ADA2: variants seen among roughly 807,000 people sequenced by gnomAD.
ADA2 encodes the protein adenosine deaminase CECR1.
A neutral mutation model predicts 44.2 loss-of-function variants in ADA2; 29 were observed. The ratio of observed to expected loss-of-function variants is 0.66; its 90% CI spans 0.49 to 0.89. The LOEUF is 0.89. ADA2 is among the 40% of genes least tolerant of loss of function. The pLI, the probability that ADA2 is intolerant of heterozygous loss-of-function variation, is 0.00. For synonymous variants in ADA2, 215 were observed against 234.9 expected (o/e 0.92, Z 0.77); for missense variants, 637 against 644.8 (o/e 0.99, Z 0.13).
At chr22:17,191,601 C>A in intron 5 of ADA2, 82 bp downstream of exon 5, 3 of 1,253,394 alleles carry the variant, frequency 2.4e-6, no homozygotes, top group Non-Finnish European at 2.3e-6. Context: ...AGCCCCGCTT[C>A]TCACCCCTCC....
At chr22:17,220,395 C>T (rs1243389848), upstream of ADA2, among the ~76,000 whole-genome samples, 2 of 151,966 alleles carry the variant, frequency 1.3e-5, no homozygotes, top group African/African-American at 2.4e-5. Context: ...AGTGGGGCCT[C>T]GACCAAGTTG....
chr22:17,191,692 G>A lies in ADA2; in HGVS notation c.872C>T (p.Ser291Leu), dbSNP rs1390146619. The change falls in exon 5 of 10, where the codon TCG becomes TTG. Residue 291 changes from serine to leucine, a missense_variant. Transcript: ENST00000399837. ...CAATATTCTCTCTCACCTGTGATCC[G>A]AATAAATGATTTTGATTCCAATAAA... Reference protein sequence around the residue: ...PEFIGIKIIYSDHRSKDVAVI... With the variant: ...PEFIGIKIIYLDHRSKDVAVI... 11 of 1,613,314 alleles carry A rather than the reference G, an allele frequency of 6.8e-6. No homozygotes were observed. The highest frequency in any genetic ancestry group is 2.2e-5 in the South Asian group (2 of 91,036).
rs184252216 is a variant in ADA2 at position 17,199,256 on chromosome 22, G to A, written c.753+4307C>T. Among the ~76,000 whole-genome samples, 639 of 152,250 alleles carry A rather than the reference G, an allele frequency of 4.2e-3. 3 individuals carry two copies. Among genetic ancestry groups the A allele is most frequent in the African/African-American group, 0.015 (612 of 41,546 alleles). On this transcript the variant is annotated intron_variant, in intron 4 of 9. Coordinates refer to ENST00000399837, the MANE Select transcript of ADA2 (RefSeq NM_001282225.2). ...AGGCCCCCAAGTCTCTCCACCTCCG[G>A]CTCTGGAAGGAGAAAATGGCCACCT...
chr22:17,191,611 C>G lies in ADA2; in HGVS notation c.881+72G>C, dbSNP rs533585792. 1,548 of 1,541,936 alleles carry G rather than the reference C, an allele frequency of 1.0e-3. 8 individuals carry two copies. The highest frequency in any genetic ancestry group is 1.3e-3 in the Non-Finnish European group (1,478 of 1,127,722). On this transcript the variant is annotated intron_variant, in intron 5 of 9. Coordinates refer to ENST00000399837, the MANE Select transcript of ADA2 (RefSeq NM_001282225.2). ...CTCCCAGCCCCGCTTCTCACCCCTC[C>G]CCTCCCAGCCTAGTAGCTCTGCCTG...
chr22:17,216,775 C>T (rs546783737), intron 1 of ADA2, among the ~76,000 whole-genome samples: 14 of 120,596 alleles, frequency 1.2e-4, no homozygotes, highest in Admixed American at 3.5e-4. Flanking sequence ...AAAAAAAACA[C>T]ACACACACAC....
chr22:17,214,121 C>T lies in ADA2; in HGVS notation c.-46-4398G>A, dbSNP rs147684331. ...TTCAACAGACACCTGGACACACTCA[C>T]GGAGCATTACATTCCCAGAGTCAGC... is the stretch of plus-strand genomic sequence containing the variant. On this transcript the variant is annotated intron_variant, in intron 1 of 9. Coordinates refer to ENST00000399837, the MANE Select transcript of ADA2 (RefSeq NM_001282225.2). 5.0e-4 allele frequency: 358 copies of T among 718,110 alleles called. 4 individuals carry two copies. The East Asian group carries it at 9.0e-3, about 18-fold the overall frequency. The allele number at this position is 718,110 out of a possible 1,614,324, so 44.5% of individuals were successfully genotyped here.
At chr22:17,209,901 T>TG in intron 1 of ADA2, 178 bp from the exon 2 acceptor site, 1 of 535,418 alleles carries the variant, frequency 1.9e-6, no homozygotes, top group South Asian at 2.7e-5. Flanking sequence ...TTTTTTTTTT[T>TG]TTTTTTTGAG....
rs529415774 is a variant in ADA2 at position 17,196,244 on chromosome 22, C to A, written c.754-4434G>T. 2.0e-4 allele frequency among the ~76,000 whole-genome samples: 30 copies of A among 151,008 alleles called. 1 individual carries two copies. The South Asian group carries it at 5.9e-3, about 30-fold the overall frequency. Reference sequence around the variant, plus strand: ...GCTGATGCAGGAGAATCACTTGAACCCAGGAAGCGGAGGTTGCAGTGAGCC... The same window carrying A: ...GCTGATGCAGGAGAATCACTTGAACACAGGAAGCGGAGGTTGCAGTGAGCC... On this transcript the variant is annotated intron_variant, in intron 4 of 9. Transcript: ENST00000399837.
chr22:17,191,782 T>TTATG lies in ADA2; in HGVS notation c.781_782insCATA (p.Asp261AlafsTer2). 1.9e-6 allele frequency: 3 copies of TTATG among 1,613,766 alleles called. No individual in the cohort carries two copies. The highest frequency in any genetic ancestry group is 2.2e-5 in the South Asian group (2 of 91,058). On this transcript the variant is annotated stop_gained and frameshift_variant, in exon 5 of 10. Coordinates refer to ENST00000399837, the MANE Select transcript of ADA2 (RefSeq NM_001282225.2). LOFTEE classifies it high-confidence loss of function. ...GTAAGTCTTCACTGACCACTCTTCGTCATGGTGCTCTCCACTGAGCTCATA... is the reference window on the plus strand; with the variant it reads ...GTAAGTCTTCACTGACCACTCTTCGTTATGCATGGTGCTCTCCACTGAGCTCATA...
rs966858899 is a variant in ADA2, at chr22:17,180,793, C to A, written c.*690G>T. The A allele has an allele frequency of 6.6e-6, 1 of 151,944 alleles. No homozygotes were observed. Among genetic ancestry groups the A allele is most frequent in the Non-Finnish European group, 1.5e-5 (1 of 68,016 alleles). 9.4% of individuals were successfully genotyped at this position (151,944 alleles called of 1,614,324 possible). On this transcript the variant is annotated 3_prime_UTR_variant, in exon 10 of 10. Coordinates refer to ENST00000399837, the MANE Select transcript of ADA2 (RefSeq NM_001282225.2). ...AAAGCAAAGGAATGGATGAGACCAC[C>A]CAGGAAAAGTGTACAGAGAGAGAAG...
chr22:17,207,209 T>A lies in ADA2; in HGVS notation c.404A>T (p.His135Leu). The change falls in exon 3 of 10, where the codon CAC becomes CTC. Residue 135 changes from histidine (H) to leucine (L), a missense_variant. His to Leu is a moderately conservative substitution (Grantham distance 99, BLOSUM62 -3). Transcript: ENST00000399837. Reference sequence around the variant, plus strand: ...GATCCCCCTTGGGGTGAAACAGATGTGGCAGTGAGGCCTGTAGGTGACATT... The same window carrying A: ...GATCCCCCTTGGGGTGAAACAGATGAGGCAGTGAGGCCTGTAGGTGACATT... The part of the protein sequence containing the change: ...VRNVTYRPHC[H>L]ICFTPRGIMQ... 1 of 1,614,184 alleles carries A rather than the reference T, an allele frequency of 6.2e-7. No individual in the cohort carries two copies. Among genetic ancestry groups the A allele is most frequent in the African/African-American group, 1.3e-5 (1 of 75,068 alleles).
intron 4 of ADA2, among the ~76,000 whole-genome samples, chr22:17,194,019 GAA>G (rs34572644): frequency 3.3e-5 from 4 of 123,038 alleles, no homozygotes; most frequent in Admixed American, 1.7e-4. Context: ...AAAAAGGAAT[GAA>G]AAAAAAAAAA....
rs1386228838 is a variant in ADA2 at position 17,181,434 on chromosome 22, T to A, written c.*49A>T. On this transcript the variant is annotated 3_prime_UTR_variant, in exon 10 of 10. Coordinates refer to ENST00000399837, the MANE Select transcript of ADA2 (RefSeq NM_001282225.2). ...TGATTCAAGAACGAGTGAGAGGAAG[T>A]GACAGCGTGTGCAAGAAGACAGCTT... 1 of 1,189,848 alleles carries A rather than the reference T, an allele frequency of 8.4e-7. No individual in the cohort carries two copies. The highest frequency in any genetic ancestry group is 1.5e-5 in the African/African-American group (1 of 66,744). The allele number at this position is 1,189,848 out of a possible 1,614,324, so 73.7% of individuals were successfully genotyped here.
chr22:17,203,506 T>A, intron 4 of ADA2, 57 bp downstream of exon 4: 1 of 1,397,388 alleles, frequency 7.2e-7, no homozygotes, highest in Non-Finnish European at 1.0e-6. Context: ...CCAGCTAAGA[T>A]CTGAGTCAGG....
In ADA2 at chr22:17,191,722, G is replaced by A. The variant is rs140077522; in HGVS notation, c.842C>T (p.Pro281Leu). ...AATGATTTTGATTCCAATAAACTCA[G>A]GGTGAGTTTCCACAAACTTCTGAGC... ...EVAQKFVETHPEFIGIKIIYS... is the reference protein window; with the variant it reads ...EVAQKFVETHLEFIGIKIIYS... The change falls in exon 5 of 10, where the codon CCT becomes CTT. Residue 281 changes from proline (P) to leucine (L), a missense_variant. Pro to Leu is a moderately conservative substitution (Grantham distance 98). Coordinates refer to ENST00000399837, the MANE Select transcript of ADA2 (RefSeq NM_001282225.2). The A allele has an allele frequency of 6.2e-7, 1 of 1,613,604 alleles. No individual in the cohort carries two copies. Among genetic ancestry groups the A allele is most frequent in the African/African-American group, 1.3e-5 (1 of 74,896 alleles).
At chr22:17,193,886 A>T (rs777672992) in intron 4 of ADA2, among the ~76,000 whole-genome samples, 8 of 151,662 alleles carry the variant, frequency 5.3e-5, no homozygotes, top group Non-Finnish European at 1.2e-4. Context: ...TCAGAGAGAT[A>T]GACCTGACCC....
intron 6 of ADA2, chr22:17,188,850 G>A (rs2062074105): frequency 5.2e-5 from 1 of 19,150 alleles, no homozygotes; most frequent in Non-Finnish European, 1.4e-4. Context: ...ATGCACTACA[G>A]CCTGGCCAAG....
chr22:17,181,630 G>T, intron 9 of ADA2, 54 bp from the exon 10 acceptor site: 1 of 1,319,986 alleles, frequency 7.6e-7, no homozygotes, highest in Non-Finnish European at 1.1e-6. Flanking sequence ...TGGGGAACGG[G>T]GCAGGGAGCC....
chr22:17,193,322 TC>T (rs1486790647), intron 4 of ADA2: 26 of 436,576 alleles, frequency 6.0e-5, no homozygotes, highest in Admixed American at 1.8e-4. Flanking sequence ...ACAGCTCATG[TC>T]CCCTTTTTGT....
Sources: allele counts gnomAD v4.1 joint callset (sites outside exome capture counted in the v4.1 genomes callset), GRCh38; gene constraint gnomAD v4.1.1; transcripts MANE v1.5; gene names NCBI Gene and HGNC (gene_info 2026-07-23, HGNC 2026-07-21).